The following ANKH variants were observed in gnomAD, a reference collection of about 807,000 sequenced individuals.
The protein encoded by ANKH is ANKH inorganic pyrophosphate transport regulator.
In ANKH, 15 loss-of-function variants were observed where a neutral mutation model predicts 49.0. The observed-to-expected ratio is 0.31, with a 90% CI of 0.20 to 0.47. The LOEUF (loss-of-function observed/expected upper bound fraction) is 0.47. ANKH is among the 20% of genes least tolerant of loss of function. The probability of loss-of-function intolerance (pLI) is 1.00; values close to 1 mark genes in which losing one functional copy is unlikely to be tolerated. For synonymous variants in ANKH, 273 were observed against 260.0 expected (o/e 1.05, Z -0.48); for missense variants, 429 against 652.0 (o/e 0.66, Z 3.72).
chr5:14,712,533 A>G (rs1236634398), intron 11 of ANKH, among the ~76,000 whole-genome samples: 8 of 152,148 alleles, frequency 5.3e-5, no homozygotes, highest in African/African-American at 1.4e-4. Flanking sequence ...CCCCTCTCCC[A>G]TCGGCAGCAT....
chr5:14,859,463 A>C (rs1305926040), intron 1 of ANKH, among the ~76,000 whole-genome samples: 1 of 152,226 alleles, frequency 6.6e-6, no homozygotes, highest in Non-Finnish European at 1.5e-5. Flanking sequence ...AATGATCAAC[A>C]GTACACATAA....
intron 1 of ANKH, among the ~76,000 whole-genome samples, chr5:14,776,546 C>A (rs1014681014): frequency 6.6e-6 from 1 of 152,146 alleles, no homozygotes; most frequent in Non-Finnish European, 1.5e-5. Context: ...CTATGTCATG[C>A]CAGCGTTGTG....
At chr5:14,757,413 C>CATAT (rs1425001724) in intron 3 of ANKH, among the ~76,000 whole-genome samples, 9 of 127,208 alleles carry the variant, frequency 7.1e-5, no homozygotes, top group South Asian at 2.5e-4. Flanking sequence ...CTTATTGGAA[C>CATAT]ATATATATAT....
At chr5:14,764,077 A>AAAAT (rs144437805) in intron 2 of ANKH, among the ~76,000 whole-genome samples, 19 of 146,866 alleles carry the variant, frequency 1.3e-4, no homozygotes, top group African/African-American at 3.0e-4. Context: ...GACAGAACGG[A>AAAAT]AAATAAATAA....
intron 8 of ANKH, among the ~76,000 whole-genome samples, chr5:14,733,964 A>G (rs1035985905): frequency 2.6e-5 from 4 of 152,214 alleles, no homozygotes; most frequent in Non-Finnish European, 4.4e-5. Context: ...CCAATTTTTA[A>G]AAAACCTGTA....
intron 1 of ANKH, among the ~76,000 whole-genome samples, chr5:14,774,562 C>T (rs570913493): frequency 9.2e-5 from 14 of 152,066 alleles, no homozygotes; most frequent in South Asian, 4.2e-4. Context: ...CTCAGCCTCC[C>T]GAGTAGCTAG....
At chr5:14,815,749 C>A (rs1249883055) in intron 1 of ANKH, among the ~76,000 whole-genome samples, 1 of 152,194 alleles carries the variant, frequency 6.6e-6, no homozygotes, top group Admixed American at 6.5e-5. Context: ...GGGCCATGAG[C>A]CACACAGACA....
intron 6 of ANKH, among the ~76,000 whole-genome samples, chr5:14,748,161 C>G (rs1655578803): frequency 6.6e-6 from 1 of 152,146 alleles, no homozygotes; most frequent in Admixed American, 6.5e-5. Context: ...TTGTGAGAAA[C>G]TTGAACTGAA....
At chr5:14,853,052 C>T (rs553871966) in intron 1 of ANKH, among the ~76,000 whole-genome samples, 11 of 152,254 alleles carry the variant, frequency 7.2e-5, no homozygotes, top group East Asian at 1.9e-4. Context: ...TGATGAGCCA[C>T]GTGCATCCAG....
At chr5:14,723,379 G>T (rs1737729222) in intron 8 of ANKH, among the ~76,000 whole-genome samples, 1 of 149,574 alleles carries the variant, frequency 6.7e-6, no homozygotes, top group South Asian at 2.1e-4. Context: ...GTTAAAAAAA[G>T]AAGGGCTGGG....
chr5:14,712,761 C>T, intron 11 of ANKH, 113 bp downstream of exon 11: 2 of 1,071,134 alleles, frequency 1.9e-6, no homozygotes, highest in Non-Finnish European at 2.8e-6. Flanking sequence ...GGCAGTGTCA[C>T]CAAGGATCCC....
chr5:14,787,410 T>TA (rs1395562683), intron 1 of ANKH, among the ~76,000 whole-genome samples: 2 of 152,012 alleles, frequency 1.3e-5, no homozygotes, highest in Non-Finnish European at 2.9e-5. Flanking sequence ...GTTAAAAACA[T>TA]AAAAAAAGAC....
At chr5:14,741,066 A>G (rs1053993889) in intron 8 of ANKH, among the ~76,000 whole-genome samples, 4 of 152,252 alleles carry the variant, frequency 2.6e-5, no homozygotes, top group Admixed American at 2.0e-4. Flanking sequence ...ACAGTCTCCA[A>G]CGGAAGGCTG....
intron 1 of ANKH, chr5:14,870,974 A>T: frequency 2.7e-6 from 1 of 364,992 alleles, no homozygotes; most frequent in South Asian, 2.1e-5. Flanking sequence ...CCCCACCGTC[A>T]CCATTACCAC....
chr5:14,856,520 G>A (rs918004467), intron 1 of ANKH, among the ~76,000 whole-genome samples: 4 of 151,896 alleles, frequency 2.6e-5, no homozygotes, highest in South Asian at 2.1e-4. Context: ...ATGATTTTTC[G>A]ATCCACCATG....
At chr5:14,811,445 C>T (rs1030220928) in intron 1 of ANKH, among the ~76,000 whole-genome samples, 3 of 152,138 alleles carry the variant, frequency 2.0e-5, no homozygotes, top group Non-Finnish European at 4.4e-5. Flanking sequence ...TTGCTGGTAT[C>T]AGCTAATAAA....
intron 1 of ANKH, among the ~76,000 whole-genome samples, chr5:14,866,839 CCCT>C (rs951325091): frequency 1.3e-5 from 2 of 152,138 alleles, no homozygotes; most frequent in Non-Finnish European, 2.9e-5. Context: ...TTCCTGGAAG[CCCT>C]CCTTTTAATC....
At position 14,751,033 on chromosome 5, in the gene ANKH, G is replaced by A. The variant is rs921705862; in HGVS notation, c.687+36C>T. On this transcript the variant is annotated intron_variant, in intron 5 of 11. Coordinates refer to ENST00000284268, the MANE Select transcript of ANKH (RefSeq NM_054027.6). Reference sequence around the variant, plus strand: ...GGAATACAGTTTTATTCTACTCTGAGTCTCAGACAGACTGCTGTTGGGTTG... The same window carrying A: ...GGAATACAGTTTTATTCTACTCTGAATCTCAGACAGACTGCTGTTGGGTTG... The A allele has an allele frequency of 4.4e-6, 7 of 1,608,828 alleles. No homozygotes were observed. The African/African-American group carries it at 9.4e-5, about 22-fold the overall frequency.
At chr5:14,851,220 G>A (rs1407059618) in intron 1 of ANKH, among the ~76,000 whole-genome samples, 1 of 152,170 alleles carries the variant, frequency 6.6e-6, no homozygotes, top group African/African-American at 2.4e-5. Flanking sequence ...CTGCAGGCTG[G>A]GGCCTTTGAT....
Sources: gnomAD v4.1 joint callset for allele counts (sites outside exome capture counted in the v4.1 genomes callset) on GRCh38, gnomAD v4.1.1 for gene constraint, MANE v1.5 for transcripts, NCBI Gene and HGNC (gene_info 2026-07-23, HGNC 2026-07-21) for gene names.